Variants in TASOR observed in about 807,000 individuals in gnomAD.
The protein encoded by TASOR is protein TASOR.
TASOR carries 53 observed loss-of-function variants against 178.6 expected under a neutral mutation model. That is an observed-to-expected ratio of 0.30 (90% confidence interval 0.24 to 0.37). The LOEUF (loss-of-function observed/expected upper bound fraction) is 0.37, where lower values mean the gene tolerates loss of function less well. Ranked by LOEUF, TASOR falls within the 10% of genes least tolerant of loss-of-function variation. The pLI, the probability that TASOR is intolerant of heterozygous loss-of-function variation, is 1.00. For missense variants in TASOR, 1,815 were observed against 1,971.4 expected, an observed-to-expected ratio of 0.92 and a Z score of 1.50; for synonymous variants, 713 against 696.2, an observed-to-expected ratio of 1.02 and a Z score of -0.38.
In TASOR at chr3:56,640,059, T is replaced by C. The variant is rs142282975; in HGVS notation, c.2691A>G (p.Gly897=). 59 of 1,613,210 alleles carry C rather than the reference T, an allele frequency of 3.7e-5. No individual in the cohort carries two copies. The African/African-American group carries it at 7.6e-4, about 21-fold the overall frequency. ...TTGACTTAGACTGTTGTCTACGAAA[T>C]CCATGTTCAATGGGAACACTGGGAC... ...SLCPSVPIEH[G]FRRQQSKSNN... The change falls in exon 16 of 24, where the codon GGA becomes GGG. Residue 897 remains glycine (G), a synonymous_variant. Transcript: ENST00000683822.
chr3:56,670,586 T>C (rs1300719228), intron 3 of TASOR, among the ~76,000 whole-genome samples: 1 of 152,118 alleles, frequency 6.6e-6, no homozygotes, highest in Non-Finnish European at 1.5e-5. Flanking sequence ...CCAATTCTTT[T>C]CAAAGAGAAT....
intron 4 of TASOR, 42 bp from the exon 5 acceptor site, chr3:56,669,833 CA>C: frequency 1.5e-6 from 2 of 1,369,814 alleles, no homozygotes; most frequent in Non-Finnish European, 2.0e-6. Context: ...TTATATTTTT[CA>C]AAATCACTAG....
rs2031928877 is a variant in TASOR, at chr3:56,682,852, C to G, written c.155G>C (p.Ser52Thr). ...GTTCTCCTCACGCCCAGCGCCGCCGCTGGGCTCAGCGATGTTGAGGCCGCC... is the reference window on the plus strand; with the variant it reads ...GTTCTCCTCACGCCCAGCGCCGCCGGTGGGCTCAGCGATGTTGAGGCCGCC... ...GGGGLNIAEP[S>T]GGAGREENAG... The change falls in exon 1 of 24, where the codon AGC (serine) becomes ACC (threonine). Residue 52 changes from serine to threonine, a missense_variant. Transcript: ENST00000683822. 3 of 1,550,226 alleles carry G rather than the reference C, an allele frequency of 1.9e-6. No homozygotes were observed. In the African/African-American group the frequency reaches 4.1e-5, roughly 21 times the overall value.
chr3:56,663,523 G>A lies in TASOR; in HGVS notation c.1054+18C>T. ...TATTCTTTCCATTTATAAAACTAAA[G>A]AAACATAAATCTCTTACCTATGTTT... On this transcript the variant is annotated intron_variant, in intron 8 of 23. Coordinates refer to ENST00000683822, the MANE Select transcript of TASOR (RefSeq NM_001365635.2). The A allele has an allele frequency of 9.2e-7, 1 of 1,083,758 alleles. No homozygotes were observed. The highest frequency in any genetic ancestry group is 1.2e-6 in the Non-Finnish European group (1 of 800,462). The allele number at this position is 1,083,758 out of a possible 1,614,324, so 67.1% of individuals were successfully genotyped here.
intron 1 of TASOR, 127 bp downstream of exon 1, chr3:56,682,549 G>A (rs530730052): frequency 4.5e-6 from 4 of 889,916 alleles, no homozygotes; most frequent in African/African-American, 1.8e-5. Flanking sequence ...GCGGTGAGGG[G>A]AGAGGCGGCC....
At chr3:56,673,805 T>C (rs1265486674) in intron 1 of TASOR, 80 bp from the exon 2 acceptor site, 5 of 1,259,724 alleles carry the variant, frequency 4.0e-6, no homozygotes, top group South Asian at 3.4e-5. Flanking sequence ...TGTGGGTTAA[T>C]GTAACTTTAA....
In TASOR at chr3:56,683,191, T is replaced by C. The variant is rs75344666; in HGVS notation, c.-185A>G. The C allele has an allele frequency of 0.16, 92,820 of 579,636 alleles. 10,470 individuals carry two copies. The highest frequency in any genetic ancestry group is 0.39 in the South Asian group (15,568 of 39,840). The allele number at this position is 579,636 out of a possible 1,614,324, so 35.9% of individuals were successfully genotyped here. A position where few individuals can be genotyped will look rare whatever the true frequency, so the allele number is the denominator to read the frequency against. Reference sequence around the variant, plus strand: ...GGGGCCCTGTAGCGGGCACCCCAAATGCGCTGCCCGGTCCTCGGAGCCGCT... The same window carrying C: ...GGGGCCCTGTAGCGGGCACCCCAAACGCGCTGCCCGGTCCTCGGAGCCGCT... On this transcript the variant is annotated 5_prime_UTR_variant, in exon 1 of 24. Transcript: ENST00000683822.
chr3:56,631,799 G>A (rs1578195955), intron 18 of TASOR, among the ~76,000 whole-genome samples: 1 of 152,030 alleles, frequency 6.6e-6, no homozygotes, highest in East Asian at 1.9e-4. Context: ...TAGCCAGGAT[G>A]GTCTCAATCT....
chr3:56,641,155 G>A (rs2077115631), intron 15 of TASOR, among the ~76,000 whole-genome samples, 194 bp downstream of exon 15: 1 of 150,968 alleles, frequency 6.6e-6, no homozygotes, highest in Non-Finnish European at 1.5e-5. Context: ...TAAGAAGGAA[G>A]GAAAACTACT....
rs1383534495 is a variant in TASOR, at chr3:56,649,052, A to G, written c.1374T>C (p.Leu458=). Residue 458 remains leucine (L), a synonymous_variant, in exon 12 of 24, where the codon CTT becomes CTC. Coordinates refer to ENST00000683822, the MANE Select transcript of TASOR (RefSeq NM_001365635.2). ...ATCCTCGGTCTCCCAAAGGTTTAAC[A>G]AGAACCTGTATTTTGAGGGGAAGGA... ...LQKLDREKLV[L]VKPLGDRGYL... is the part of the protein sequence containing the mutation. 2 of 1,604,308 alleles carry G rather than the reference A, an allele frequency of 1.2e-6. No individual in the cohort carries two copies. The highest frequency in any genetic ancestry group is 2.3e-5 in the South Asian group (2 of 88,140).
chr3:56,649,603 T>G (rs552817940), intron 11 of TASOR, among the ~76,000 whole-genome samples: 1 of 152,180 alleles, frequency 6.6e-6, no homozygotes, highest in East Asian at 1.9e-4. Context: ...AAGTTTATAA[T>G]TAGGTAGAAA....
chr3:56,633,983 C>A lies in TASOR; in HGVS notation c.2825-17G>T. 1 of 1,497,784 alleles carries A rather than the reference C, an allele frequency of 6.7e-7. No individual in the cohort carries two copies. The highest frequency in any genetic ancestry group is 8.9e-7 in the Non-Finnish European group (1 of 1,124,708). 92.8% of individuals were successfully genotyped at this position (1,497,784 alleles called of 1,614,324 possible). On this transcript the variant is annotated splice_polypyrimidine_tract_variant and intron_variant, in intron 17 of 23. Coordinates refer to ENST00000683822, the MANE Select transcript of TASOR (RefSeq NM_001365635.2). Reference sequence around the variant, plus strand: ...ATTTCATACCTATACAGGAAGAGTTCATTATTATAAGAGCAATCCAAAAAG... The same window carrying A: ...ATTTCATACCTATACAGGAAGAGTTAATTATTATAAGAGCAATCCAAAAAG...
chr3:56,642,481 G>A (rs1400474173), intron 14 of TASOR, among the ~76,000 whole-genome samples: 5 of 152,198 alleles, frequency 3.3e-5, no homozygotes, highest in Non-Finnish European at 7.3e-5. Context: ...TAGGGATTGG[G>A]TGAAGCCTGA....
intron 17 of TASOR, among the ~76,000 whole-genome samples, chr3:56,637,526 G>C (rs996874291): frequency 6.7e-6 from 1 of 149,314 alleles, no homozygotes; most frequent in African/African-American, 2.5e-5. Context: ...GTATCAGAGG[G>C]GAAAAAAAAA....
intron 1 of TASOR, among the ~76,000 whole-genome samples, chr3:56,675,076 C>T (rs887492690): frequency 6.6e-6 from 1 of 152,158 alleles, no homozygotes; most frequent in Non-Finnish European, 1.5e-5. Flanking sequence ...CCACCTGCCT[C>T]GGCCTCCCAA....
intron 2 of TASOR, among the ~76,000 whole-genome samples, chr3:56,673,204 T>C (rs1235608705): frequency 6.6e-6 from 1 of 152,190 alleles, no homozygotes; most frequent in African/African-American, 2.4e-5. Context: ...TTAGTAACAA[T>C]TTAACACAGC....
rs1478832298 is a variant in TASOR, at chr3:56,623,141, A to G, written c.4909T>C (p.Tyr1637His). The change falls in exon 24 of 24, where the codon TAC (tyrosine) becomes CAC (histidine). Residue 1637 changes from tyrosine to histidine, a missense_variant. Tyr to His is a moderately conservative substitution (Grantham distance 83). Around this residue, in one of 5 missense-constraint regions of TASOR, gnomAD observed 278 missense variants for 257.1 expected, o/e 1.08. Transcript: ENST00000683822. ...CTTTCAGTATAAGCAGATAAGAAGTAATTCTCATTTTCTTGAGACTGACTT... is the reference window on the plus strand; with the variant it reads ...CTTTCAGTATAAGCAGATAAGAAGTGATTCTCATTTTCTTGAGACTGACTT... ...SSSQSQENEN[Y>H]FLSAYTESLD... 6.2e-7 allele frequency: 1 copy of G among 1,613,634 alleles called. No homozygotes were observed. Among genetic ancestry groups the G allele is most frequent in the East Asian group, 2.2e-5 (1 of 44,836 alleles).
chr3:56,650,320 CAAAAG>C (rs2077324434), intron 11 of TASOR, among the ~76,000 whole-genome samples: 1 of 152,194 alleles, frequency 6.6e-6, no homozygotes, highest in East Asian at 1.9e-4. Flanking sequence ...TTTGCACACT[CAAAAG>C]TAAAGTGGTA....
At chr3:56,625,108 A>G in intron 21 of TASOR, 102 bp from the exon 22 acceptor site, 1 of 1,029,068 alleles carries the variant, frequency 9.7e-7, no homozygotes, top group Non-Finnish European at 1.4e-6. Context: ...GAGGCAACTA[A>G]TGACAACTGC....
Sources: gnomAD v4.1 joint callset for allele counts (sites outside exome capture counted in the v4.1 genomes callset) on GRCh38, gnomAD v4.1.1 for gene constraint, gnomAD v4.1.1 regional missense constraint, MANE v1.5 for transcripts, NCBI Gene and HGNC (gene_info 2026-07-23, HGNC 2026-07-21) for gene names.